BACH2: variants seen among roughly 807,000 people sequenced by gnomAD.
BACH2 encodes transcription regulator protein BACH2.
In BACH2, 5 loss-of-function variants were observed where a neutral mutation model predicts 61.8. The ratio of observed to expected loss-of-function variants is 0.08; its 90% confidence interval spans 0.04 to 0.17. The LOEUF (loss-of-function observed/expected upper bound fraction) is 0.17, where lower values mean the gene tolerates loss of function less well. Ranked by LOEUF, BACH2 falls within the 10% of genes least tolerant of loss-of-function variation. The pLI is 1.00. For missense variants in BACH2, 824 were observed against 1,091.1 expected (o/e 0.76, Z 3.45); for synonymous variants, 446 against 440.1 (o/e 1.01, Z -0.17).
At chr6:90,256,111 G>GA (rs1009155387) in intron 2 of BACH2, among the ~76,000 whole-genome samples, 74 of 149,972 alleles carry the variant, frequency 4.9e-4, no homozygotes, top group South Asian at 1.3e-3. Flanking sequence ...AGCTCCTGGG[G>GA]AAAAAAAAAA....
intron 5 of BACH2, among the ~76,000 whole-genome samples, chr6:90,083,559 T>C (rs1176264293): frequency 6.6e-6 from 1 of 152,154 alleles, no homozygotes; most frequent in Admixed American, 6.6e-5. Context: ...AAGTATGCCG[T>C]TGGTTCCCAA....
rs760445995 is a variant in BACH2, at chr6:89,951,245, C to T, written c.861G>A (p.Glu287=). Residue 287 remains glutamate (E), a synonymous_variant, in exon 7 of 9, where the codon GAG becomes GAA. Transcript: ENST00000257749. This position sits in a 1 kb window ranked among gnomAD's most constrained non-coding sequence, Gnocchi z 6.4. ...CTCCAGACAGGCAGAGCGTGATGCT[C>T]TCTTCCTCATTCTCTTCACTGGGCG... is the stretch of plus-strand genomic sequence containing the variant. ...SEPPSEENEE[E]SITLCLSGDE... is the part of the protein sequence containing the mutation. 9.9e-6 allele frequency: 16 copies of T among 1,614,164 alleles called. No individual in the cohort carries two copies. Among genetic ancestry groups the T allele is most frequent in the Non-Finnish European group, 1.3e-5 (15 of 1,180,036 alleles).
intron 4 of BACH2, among the ~76,000 whole-genome samples, chr6:90,100,239 A>G (rs538111174): frequency 7.2e-5 from 11 of 152,286 alleles, no homozygotes; most frequent in Admixed American, 2.6e-4. Flanking sequence ...TGCCAAGAAC[A>G]TTTTTGTATG....
chr6:90,116,672 T>C (rs1783414400), intron 4 of BACH2: 1 of 311,376 alleles, frequency 3.2e-6, no homozygotes. Context: ...AAAAAGGTGA[T>C]GTGATGGCAG....
At chr6:90,172,216 G>T (rs776201000) in intron 4 of BACH2, among the ~76,000 whole-genome samples, 5 of 148,706 alleles carry the variant, frequency 3.4e-5, no homozygotes, top group Non-Finnish European at 7.4e-5. Flanking sequence ...TGGGGCAGGA[G>T]AATTGCTTGA....
At chr6:90,192,505 C>T (rs1247433358) in intron 4 of BACH2, among the ~76,000 whole-genome samples, 1 of 152,118 alleles carries the variant, frequency 6.6e-6, no homozygotes, top group African/African-American at 2.4e-5. Context: ...TAATTAAATA[C>T]TAAAGTCTAG....
intron 7 of BACH2, among the ~76,000 whole-genome samples, chr6:89,938,867 C>G (rs556950403): frequency 1.3e-5 from 2 of 152,142 alleles, no homozygotes; most frequent in African/African-American, 4.8e-5. Flanking sequence ...ATAGGCTTCA[C>G]TAGCATATAG....
At chr6:90,070,025 A>AT (rs1229267737) in intron 5 of BACH2, among the ~76,000 whole-genome samples, 5 of 152,148 alleles carry the variant, frequency 3.3e-5, no homozygotes, top group Admixed American at 2.6e-4. Flanking sequence ...CAACACGATC[A>AT]TTGTGGCAGT....
At chr6:90,207,617 C>T (rs1256695471) in intron 3 of BACH2, among the ~76,000 whole-genome samples, 1 of 151,958 alleles carries the variant, frequency 6.6e-6, no homozygotes, top group South Asian at 2.1e-4. Flanking sequence ...TCTGCACCTT[C>T]CCATAATACA....
intron 5 of BACH2, among the ~76,000 whole-genome samples, chr6:90,054,064 G>C (rs957231720): frequency 1.3e-5 from 2 of 152,214 alleles, no homozygotes; most frequent in South Asian, 2.1e-4. Context: ...GGTGATTTCT[G>C]CATTTCCAAC....
At chr6:90,114,157 A>G (rs551540599) in intron 4 of BACH2, among the ~76,000 whole-genome samples, 24 of 152,222 alleles carry the variant, frequency 1.6e-4, no homozygotes, top group Non-Finnish European at 2.2e-4. Context: ...TGTCTCCCCA[A>G]CTCACTCTAT....
At chr6:90,133,710 G>A (rs1784178878) in intron 4 of BACH2, among the ~76,000 whole-genome samples, 2 of 151,974 alleles carry the variant, frequency 1.3e-5, no homozygotes, top group South Asian at 4.2e-4. Flanking sequence ...CCCCACAACA[G>A]GCCCCAGTGT....
rs1009009652 is a variant in BACH2 at position 90,043,506 on chromosome 6, T to C, written c.-12-34650A>G. 6.0e-5 allele frequency among the ~76,000 whole-genome samples: 8 copies of C among 134,268 alleles called. No homozygotes were observed. In the East Asian group the frequency reaches 1.9e-3, roughly 32 times the overall value. 88.1% of individuals were successfully genotyped at this position (134,268 alleles called of 152,430 possible). On this transcript the variant is annotated intron_variant, in intron 5 of 8. Coordinates refer to ENST00000257749, the MANE Select transcript of BACH2 (RefSeq NM_021813.4). ...TCCCTTCCTCTCTCCCTCCCTCCCT[T>C]CCTCCCTCCCTTCCTCTCTCTCCTC...
chr6:90,136,381 T>C (rs1053763576), intron 4 of BACH2, among the ~76,000 whole-genome samples: 5 of 152,242 alleles, frequency 3.3e-5, no homozygotes, highest in Non-Finnish European at 5.9e-5. Context: ...ACTGCAGCAG[T>C]AGCTGCGGAA....
At position 90,271,855 on chromosome 6, in the gene BACH2, T is replaced by C. The variant is rs145359821; in HGVS notation, c.-359A>G. Reference sequence around the variant, plus strand: ...GCTGAGGTCCTTGCCTCACCTGCTGTGCTTCAAGGGCTCATCAGCTTGGTC... The same window carrying C: ...GCTGAGGTCCTTGCCTCACCTGCTGCGCTTCAAGGGCTCATCAGCTTGGTC... On this transcript the variant is annotated 5_prime_UTR_variant, in exon 2 of 9. Transcript: ENST00000257749. 1.3e-5 allele frequency: 2 copies of C among 152,492 alleles called. No individual in the cohort carries two copies. Among genetic ancestry groups the C allele is most frequent in the African/African-American group, 2.4e-5 (1 of 41,584 alleles). The allele number at this position is 152,492 out of a possible 1,614,324, so 9.4% of individuals were successfully genotyped here.
chr6:90,154,869 A>T (rs1456638089), intron 4 of BACH2, among the ~76,000 whole-genome samples: 3 of 152,200 alleles, frequency 2.0e-5, no homozygotes, highest in African/African-American at 7.2e-5. Context: ...GTACAGCCAC[A>T]GACAATGGGA....
intron 3 of BACH2, among the ~76,000 whole-genome samples, chr6:90,218,838 T>C (rs180810102): frequency 6.6e-6 from 1 of 152,190 alleles, no homozygotes; most frequent in African/African-American, 2.4e-5. Context: ...GAGTCAGTGA[T>C]GTGGCTTCCA....
At chr6:90,272,436 T>G (rs906640132) in intron 1 of BACH2, among the ~76,000 whole-genome samples, 1 of 152,116 alleles carries the variant, frequency 6.6e-6, no homozygotes, top group Non-Finnish European at 1.5e-5. Context: ...TCCTTGCAGA[T>G]AGCCCCCCAA....
At chr6:90,054,627 G>T (rs1780231009) in intron 5 of BACH2, among the ~76,000 whole-genome samples, 1 of 152,192 alleles carries the variant, frequency 6.6e-6, no homozygotes, top group South Asian at 2.1e-4. Context: ...AGAGAGTAGT[G>T]GTTCTCCCAG....
Sources: allele counts gnomAD v4.1 joint callset (sites outside exome capture counted in the v4.1 genomes callset), GRCh38; gene constraint gnomAD v4.1.1; non-coding constraint Gnocchi (gnomAD v3.1); transcripts MANE v1.5; gene names NCBI Gene and HGNC (gene_info 2026-07-23, HGNC 2026-07-21).